Variants in RGS7 observed in about 807,000 individuals in gnomAD.
The protein encoded by RGS7 is regulator of G protein signaling 7.
A neutral mutation model predicts 81.1 loss-of-function variants in RGS7; 27 were observed. That is an observed-to-expected ratio of 0.33 (90% confidence interval 0.25 to 0.46). The LOEUF (loss-of-function observed/expected upper bound fraction) is 0.46. Among genes scored for constraint, RGS7 ranks in the 20% least tolerant of loss-of-function variants. The pLI, the probability that RGS7 is intolerant of heterozygous loss-of-function variation, is 1.00. For missense variants in RGS7, 396 were observed against 607.4 expected (o/e 0.65, Z 3.66); for synonymous variants, 208 against 207.7 (o/e 1.00, Z -0.01).
At chr1:241,043,082 C>T (rs2148774978) in intron 3 of RGS7, among the ~76,000 whole-genome samples, 1 of 151,886 alleles carries the variant, frequency 6.6e-6, no homozygotes, top group East Asian at 1.9e-4. Context: ...TAATTGTTTG[C>T]TCAAATGACT....
chr1:240,991,266 C>T (rs955815505), intron 3 of RGS7, among the ~76,000 whole-genome samples: 8 of 152,106 alleles, frequency 5.3e-5, no homozygotes, highest in East Asian at 1.9e-4. Context: ...TCTCTTCAGA[C>T]GCAAAGCAGG....
rs536989198 is a variant in RGS7 at position 240,966,014 on chromosome 1, G to C, written c.226+17065C>G. Among the ~76,000 whole-genome samples the C allele has an allele frequency of 9.1e-4, 138 of 152,224 alleles. 1 individual carries two copies. The highest frequency in any genetic ancestry group is 3.2e-3 in the African/African-American group (132 of 41,546). On this transcript the variant is annotated intron_variant, in intron 4 of 18. Transcript: ENST00000440928. ...TGCTCTCTGTGCTTAATAGCTCTTC[G>C]TCGTATACCCGACTGAGCAGAAATA...
chr1:240,919,869 G>A, intron 6 of RGS7: 1 of 891,754 alleles, frequency 1.1e-6, no homozygotes. Context: ...GGCCATGAAT[G>A]GAAGGCCACA....
At chr1:241,345,050 A>G (rs777355528) in intron 2 of RGS7, among the ~76,000 whole-genome samples, 7 of 152,254 alleles carry the variant, frequency 4.6e-5, no homozygotes, top group Non-Finnish European at 8.8e-5. Flanking sequence ...AATGCTATGC[A>G]GCCACAACAA....
At chr1:241,089,059 CTCTCTA>C (rs1218655789) in intron 3 of RGS7, among the ~76,000 whole-genome samples, 98 of 43,954 alleles carry the variant, frequency 2.2e-3, no homozygotes, top group East Asian at 3.5e-3. Context: ...CTCTCTCTCT[CTCTCTA>C]TATATATATA....
At chr1:241,153,108 T>C (rs185278312) in intron 2 of RGS7, among the ~76,000 whole-genome samples, 4 of 152,328 alleles carry the variant, frequency 2.6e-5, no homozygotes, top group Admixed American at 1.3e-4. Context: ...AGAGTAAACA[T>C]TGACTGACAA....
At chr1:241,170,111 A>G (rs765707520) in intron 2 of RGS7, among the ~76,000 whole-genome samples, 1 of 152,122 alleles carries the variant, frequency 6.6e-6, no homozygotes, top group Non-Finnish European at 1.5e-5. Flanking sequence ...GACAGCAGCA[A>G]TCTCATATTC....
intron 2 of RGS7, among the ~76,000 whole-genome samples, chr1:241,162,222 G>GCCCCCCCCCCCCCCGCC (rs68166816): frequency 2.8e-5 from 4 of 142,018 alleles, no homozygotes; most frequent in African/African-American, 1.1e-4. Flanking sequence ...CTGGTGATCA[G>GCCCCCCCCCCCCCCGCC]CTTCCAAATA....
chr1:241,292,710 G>T (rs940105445), intron 2 of RGS7, among the ~76,000 whole-genome samples: 6 of 152,140 alleles, frequency 3.9e-5, no homozygotes. Context: ...CTCTACTATG[G>T]CCAAGCAGCC....
At chr1:241,221,069 GAGAA>G (rs2074961672) in intron 2 of RGS7, among the ~76,000 whole-genome samples, 1 of 125,092 alleles carries the variant, frequency 8.0e-6, no homozygotes, top group African/African-American at 3.1e-5. Context: ...GAGAGAGAGA[GAGAA>G]AGGAAGGAAG....
At chr1:241,024,299 G>A (rs1172318863) in intron 3 of RGS7, among the ~76,000 whole-genome samples, 3 of 152,160 alleles carry the variant, frequency 2.0e-5, no homozygotes, top group African/African-American at 4.8e-5. Context: ...ACAGGACTCA[G>A]GACAAGCAGA....
intron 2 of RGS7, among the ~76,000 whole-genome samples, chr1:241,195,430 C>G (rs1034968070): frequency 2.0e-5 from 3 of 151,920 alleles, no homozygotes; most frequent in African/African-American, 7.3e-5. Flanking sequence ...GAGCCGAGAT[C>G]GCGCCATTGC....
intron 2 of RGS7, among the ~76,000 whole-genome samples, chr1:241,139,352 C>T (rs1388998799): frequency 1.3e-5 from 2 of 151,918 alleles, no homozygotes; most frequent in East Asian, 1.9e-4. Flanking sequence ...AGATAGCATT[C>T]CATTGTACTA....
At chr1:241,065,204 T>C (rs1016221077) in intron 3 of RGS7, among the ~76,000 whole-genome samples, 1 of 84,406 alleles carries the variant, frequency 1.2e-5, no homozygotes, top group African/African-American at 3.4e-5. Context: ...AGATATATCA[T>C]AGAGATATAT....
chr1:240,922,354 T>C (rs1376663499), intron 6 of RGS7, among the ~76,000 whole-genome samples: 4 of 152,018 alleles, frequency 2.6e-5, no homozygotes, highest in Non-Finnish European at 2.9e-5. Flanking sequence ...GCACAATCTA[T>C]GAGAAAAAAT....
intron 2 of RGS7, among the ~76,000 whole-genome samples, chr1:241,287,600 C>T (rs370277140): frequency 2.0e-5 from 3 of 152,134 alleles, no homozygotes; most frequent in Admixed American, 6.5e-5. Flanking sequence ...CAGACTAACA[C>T]GCCCTGGATC....
At position 241,219,361 on chromosome 1, in the gene RGS7, C is replaced by T. The variant is rs59463076; in HGVS notation, c.79-120599G>A. 4.8e-3 allele frequency among the ~76,000 whole-genome samples: 726 copies of T among 152,294 alleles called. 8 individuals are homozygous for T. The highest frequency in any genetic ancestry group is 0.017 in the African/African-American group (693 of 41,562). Reference sequence around the variant, plus strand: ...CTGCTGCCATCCATATAAGACGTGACGTGATCCTCCTTGCCTTCTGCCATG... The same window carrying T: ...CTGCTGCCATCCATATAAGACGTGATGTGATCCTCCTTGCCTTCTGCCATG... On this transcript the variant is annotated intron_variant, in intron 2 of 18. Transcript: ENST00000440928.
intron 3 of RGS7, among the ~76,000 whole-genome samples, chr1:241,069,158 T>A (rs576624373): frequency 1.3e-5 from 2 of 152,248 alleles, no homozygotes; most frequent in Non-Finnish European, 2.9e-5. Flanking sequence ...ACAGCAAGAA[T>A]GTCCTATAGA....
chr1:241,124,495 G>A (rs2066513456), intron 2 of RGS7, among the ~76,000 whole-genome samples: 1 of 152,234 alleles, frequency 6.6e-6, no homozygotes, highest in Admixed American at 6.5e-5. Flanking sequence ...TGGAAGAGTG[G>A]TTTTGAGGAT....
Sources: allele counts gnomAD v4.1 joint callset (sites outside exome capture counted in the v4.1 genomes callset), GRCh38; gene constraint gnomAD v4.1.1; transcripts MANE v1.5; gene names NCBI Gene and HGNC (gene_info 2026-07-23, HGNC 2026-07-21).